CADM2: variants seen among roughly 807,000 people sequenced by gnomAD.
The protein encoded by CADM2 is cell adhesion molecule 2.
CADM2 carries 12 observed loss-of-function variants against 49.8 expected under a neutral mutation model. That is an observed-to-expected ratio of 0.24 (90% confidence interval 0.15 to 0.39). CADM2 has a LOEUF of 0.39. Among genes scored for constraint, CADM2 ranks in the 10% least tolerant of loss-of-function variants. The pLI, the probability that CADM2 is intolerant of heterozygous loss-of-function variation, is 1.00. For synonymous variants in CADM2, 214 were observed against 175.4 expected (o/e 1.22, Z -1.74); for missense variants, 378 against 492.3 (o/e 0.77, Z 2.20).
intron 1 of CADM2, among the ~76,000 whole-genome samples, chr3:85,167,224 C>T (rs753759855): frequency 4.3e-4 from 65 of 152,038 alleles, no homozygotes; most frequent in Admixed American, 2.6e-3. Context: ...AAATGGTTTT[C>T]GCTCCTCCTA....
At chr3:85,347,610 A>ATATATATACATATATAC (rs1421582551) in intron 1 of CADM2, among the ~76,000 whole-genome samples, 1 of 90,050 alleles carries the variant, frequency 1.1e-5, no homozygotes, top group Admixed American at 1.3e-4. Flanking sequence ...TATATATAAA[A>ATATATATACATATATAC]ATATATATAC....
At chr3:85,371,335 C>T (rs1344759726) in intron 1 of CADM2, among the ~76,000 whole-genome samples, 1 of 151,966 alleles carries the variant, frequency 6.6e-6, no homozygotes, top group Non-Finnish European at 1.5e-5. Context: ...AATTTTTAAT[C>T]CATTGCACTA....
intron 8 of CADM2, among the ~76,000 whole-genome samples, chr3:85,965,349 A>G (rs1725347898): frequency 6.7e-6 from 1 of 150,084 alleles, no homozygotes; most frequent in African/African-American, 2.4e-5. Flanking sequence ...CATTTATAAT[A>G]TGACATACTT....
rs1035959778 is a variant in CADM2, at chr3:85,314,377, A to C, written c.61+354709A>C. On this transcript the variant is annotated intron_variant, in intron 1 of 9. Transcript: ENST00000383699. The stretch of plus-strand genomic sequence containing the variant: ...TTTCTGTTTTTTTTTAACAAAGGAC[A>C]AAATAATAATTTTTTATATTAAAAA... Among the ~76,000 whole-genome samples, 30 of 152,172 alleles carry C rather than the reference A, an allele frequency of 2.0e-4. No homozygotes were observed. In the South Asian group the frequency reaches 2.7e-3, roughly 14 times the overall value.
chr3:85,856,123 G>A (rs1430144885), intron 3 of CADM2, among the ~76,000 whole-genome samples: 3 of 152,088 alleles, frequency 2.0e-5, no homozygotes, highest in Non-Finnish European at 4.4e-5. Flanking sequence ...TGGCAGTAAG[G>A]CAGTATAAAG....
intron 1 of CADM2, among the ~76,000 whole-genome samples, chr3:85,094,099 T>G (rs1224074829): frequency 6.6e-6 from 1 of 152,104 alleles, no homozygotes; most frequent in Admixed American, 6.6e-5. Flanking sequence ...AGTAGAGTCC[T>G]ACATTTACTC....
chr3:85,677,116 T>C (rs1310976448), intron 1 of CADM2, among the ~76,000 whole-genome samples: 2 of 152,190 alleles, frequency 1.3e-5, no homozygotes, highest in Admixed American at 1.3e-4. Context: ...TTCACACGTA[T>C]TGACCTTATT....
At chr3:85,974,148 A>T (rs1726495473) in intron 8 of CADM2, among the ~76,000 whole-genome samples, 1 of 151,738 alleles carries the variant, frequency 6.6e-6, no homozygotes, top group Admixed American at 6.6e-5. Context: ...TGTCTGCAAA[A>T]TGCTTAAAAG....
intron 1 of CADM2, among the ~76,000 whole-genome samples, chr3:85,686,911 A>G (rs1011001819): frequency 3.3e-5 from 5 of 152,136 alleles, no homozygotes; most frequent in Non-Finnish European, 7.3e-5. Flanking sequence ...TTCATCTTAT[A>G]TATGTTGATT....
intron 1 of CADM2, among the ~76,000 whole-genome samples, chr3:85,222,546 T>C (rs1301191996): frequency 6.6e-6 from 1 of 152,182 alleles, no homozygotes; most frequent in African/African-American, 2.4e-5. Context: ...CTTTCACCTC[T>C]TTCGCTGTCA....
At chr3:85,146,051 T>G (rs1055063177) in intron 1 of CADM2, among the ~76,000 whole-genome samples, 2 of 152,186 alleles carry the variant, frequency 1.3e-5, no homozygotes, top group Non-Finnish European at 2.9e-5. Context: ...AGGAATATTT[T>G]TAACCACTCT....
intron 6 of CADM2, among the ~76,000 whole-genome samples, chr3:85,930,090 A>G (rs1442535409): frequency 3.3e-5 from 5 of 152,124 alleles, no homozygotes; most frequent in Non-Finnish European, 7.4e-5. Flanking sequence ...TCATGGAAAT[A>G]TAAACTAGCT....
chr3:85,405,476 G>A (rs1039096292), intron 1 of CADM2, among the ~76,000 whole-genome samples: 9 of 152,164 alleles, frequency 5.9e-5, no homozygotes, highest in African/African-American at 1.9e-4. Context: ...GAACTCATTA[G>A]TCAAGCCAAA....
At chr3:85,168,918 A>G (rs974655850) in intron 1 of CADM2, among the ~76,000 whole-genome samples, 1 of 151,972 alleles carries the variant, frequency 6.6e-6, no homozygotes, top group African/African-American at 2.4e-5. Context: ...TTGTTTTTGA[A>G]TTTCTTTATT....
At chr3:85,568,043 A>G (rs1351865115) in intron 1 of CADM2, among the ~76,000 whole-genome samples, 1 of 152,196 alleles carries the variant, frequency 6.6e-6, no homozygotes, top group Non-Finnish European at 1.5e-5. Flanking sequence ...TACTAAGTCC[A>G]CTGAGTCAAA....
intron 1 of CADM2, among the ~76,000 whole-genome samples, chr3:85,241,190 C>G (rs923071652): frequency 1.1e-4 from 16 of 151,352 alleles, no homozygotes; most frequent in Admixed American, 4.6e-4. Context: ...TTTTATTAAG[C>G]ACCATAAACC....
intron 1 of CADM2, among the ~76,000 whole-genome samples, chr3:85,642,472 T>G (rs1331573794): frequency 3.9e-5 from 6 of 151,952 alleles, no homozygotes; most frequent in Admixed American, 6.6e-5. Flanking sequence ...AAGAATAGAA[T>G]GGAAGGTTTT....
At chr3:85,051,097 T>C (rs2035865753) in intron 1 of CADM2, among the ~76,000 whole-genome samples, 1 of 152,202 alleles carries the variant, frequency 6.6e-6, no homozygotes, top group Non-Finnish European at 1.5e-5. Flanking sequence ...TCAGAATGGC[T>C]TGATGACTTC....
chr3:85,806,361 G>A (rs904849452), intron 3 of CADM2, among the ~76,000 whole-genome samples: 1 of 152,168 alleles, frequency 6.6e-6, no homozygotes, highest in Non-Finnish European at 1.5e-5. Flanking sequence ...CTGCTACTAT[G>A]AGCTCCGAGA....
Sources: gnomAD v4.1 joint callset for allele counts (sites outside exome capture counted in the v4.1 genomes callset) on GRCh38, gnomAD v4.1.1 for gene constraint, MANE v1.5 for transcripts, NCBI Gene and HGNC (gene_info 2026-07-23, HGNC 2026-07-21) for gene names.